The following ENOX1 variants were observed in gnomAD, a reference collection of about 807,000 sequenced individuals.
ENOX1 encodes candidate growth-related and time keeping constitutive hydroquinone (NADH) oxidase.
ENOX1 carries 42 observed loss-of-function variants against 82.5 expected under a neutral mutation model. The ratio of observed to expected loss-of-function variants is 0.51; its 90% CI spans 0.40 to 0.66. The LOEUF (loss-of-function observed/expected upper bound fraction) is 0.66, where lower values mean the gene tolerates loss of function less well. Ranked by LOEUF, ENOX1 falls within the 30% of genes least tolerant of loss-of-function variation. The probability of loss-of-function intolerance (pLI) is 0.00; values close to 1 mark genes in which losing one functional copy is unlikely to be tolerated. For missense variants in ENOX1, 608 were observed against 811.6 expected, an observed-to-expected ratio of 0.75 and a Z score of 3.05; for synonymous variants, 271 against 282.2, an observed-to-expected ratio of 0.96 and a Z score of 0.40.
At chr13:43,727,816 A>G (rs1054628684) in intron 1 of ENOX1, among the ~76,000 whole-genome samples, 1 of 152,190 alleles carries the variant, frequency 6.6e-6, no homozygotes, top group African/African-American at 2.4e-5. Flanking sequence ...TGCCATTAAC[A>G]TTATGCATTT....
intron 2 of ENOX1, among the ~76,000 whole-genome samples, chr13:43,572,669 C>A (rs973085505): frequency 5.9e-5 from 9 of 152,216 alleles, no homozygotes; most frequent in Admixed American, 2.0e-4. Context: ...CCTTTTCAGA[C>A]ACACAAGGTC....
chr13:43,357,601 C>G (rs2153557895), intron 7 of ENOX1, among the ~76,000 whole-genome samples: 1 of 152,292 alleles, frequency 6.6e-6, no homozygotes, highest in African/African-American at 2.4e-5. Context: ...ACACGCATAA[C>G]AGCTGAGCAG....
chr13:43,719,466 C>G (rs1001158134), intron 1 of ENOX1, among the ~76,000 whole-genome samples: 5 of 152,004 alleles, frequency 3.3e-5, no homozygotes, highest in African/African-American at 9.7e-5. Flanking sequence ...GGCATTCAGG[C>G]TCCCCCTGAA....
rs187471249 is a variant in ENOX1, at chr13:43,224,462, A to G, written c.1715-324T>C. 3.9e-5 allele frequency among the ~76,000 whole-genome samples: 6 copies of G among 152,362 alleles called. No homozygotes were observed. In the East Asian group the frequency reaches 9.6e-4, roughly 24 times the overall value. ...TTTATGCTTGATTTACCAATATAAA[A>G]TTATAGTTATTGGAAGGATAAAATT... On this transcript the variant is annotated intron_variant, in intron 15 of 16. Coordinates refer to ENST00000690772, the MANE Select transcript of ENOX1 (RefSeq NM_001347969.2).
intron 1 of ENOX1, among the ~76,000 whole-genome samples, chr13:43,730,807 G>A (rs1415312719): frequency 6.6e-6 from 1 of 152,188 alleles, no homozygotes; most frequent in Non-Finnish European, 1.5e-5. Context: ...TGACCTGTGT[G>A]TTTTTGCTCC....
intron 14 of ENOX1, among the ~76,000 whole-genome samples, chr13:43,260,223 A>T (rs1406828378): frequency 6.6e-6 from 1 of 152,264 alleles, no homozygotes; most frequent in Non-Finnish European, 1.5e-5. Context: ...ACTTAAAGAC[A>T]GCTCTGAGGA....
intron 1 of ENOX1, among the ~76,000 whole-genome samples, chr13:43,728,390 A>G (rs1201412693): frequency 6.6e-6 from 1 of 152,226 alleles, no homozygotes; most frequent in African/African-American, 2.4e-5. Context: ...ATTTCTTTCC[A>G]TATCATACCC....
intron 1 of ENOX1, among the ~76,000 whole-genome samples, chr13:43,679,589 AC>A (rs2085683782): frequency 6.6e-6 from 1 of 152,148 alleles, no homozygotes; most frequent in African/African-American, 2.4e-5. Flanking sequence ...TGTTTTTCTA[AC>A]CCATGGCTAG....
At chr13:43,229,030 T>C (rs779107149) in intron 15 of ENOX1, among the ~76,000 whole-genome samples, 2 of 152,172 alleles carry the variant, frequency 1.3e-5, no homozygotes, top group African/African-American at 2.4e-5. Flanking sequence ...CAGTGGGAGA[T>C]AACTGAATCA....
intron 2 of ENOX1, among the ~76,000 whole-genome samples, chr13:43,575,731 T>C (rs2080392657): frequency 6.6e-6 from 1 of 152,204 alleles, no homozygotes; most frequent in Non-Finnish European, 1.5e-5. Flanking sequence ...ATTTAGCAAA[T>C]TTCCAGCTGT....
intron 2 of ENOX1, among the ~76,000 whole-genome samples, chr13:43,655,722 T>C (rs1262504158): frequency 6.6e-6 from 1 of 151,982 alleles, no homozygotes; most frequent in East Asian, 1.9e-4. Context: ...GCCCCACCGC[T>C]CCCCACACTC....
intron 5 of ENOX1, among the ~76,000 whole-genome samples, chr13:43,402,000 A>G (rs1367008330): frequency 6.6e-6 from 1 of 152,186 alleles, no homozygotes; most frequent in Admixed American, 6.5e-5. Flanking sequence ...ACGTCTGGCA[A>G]CCAATAATAA....
chr13:43,476,803 T>C (rs972222690), intron 3 of ENOX1, among the ~76,000 whole-genome samples: 17 of 152,174 alleles, frequency 1.1e-4, no homozygotes, highest in African/African-American at 3.9e-4. Flanking sequence ...TGTAGCAGAA[T>C]GTACGGAACA....
chr13:43,267,980 T>C (rs3783047), intron 13 of ENOX1, among the ~76,000 whole-genome samples: 25,848 of 152,174 alleles, frequency 0.17, 2,847 homozygotes, highest in East Asian at 0.6. Context: ...GAGTGAAGTG[T>C]GATGTTTCAC....
At chr13:43,716,242 G>C (rs2088122269) in intron 1 of ENOX1, among the ~76,000 whole-genome samples, 3 of 152,094 alleles carry the variant, frequency 2.0e-5, no homozygotes, top group Admixed American at 2.0e-4. Flanking sequence ...TTTTTGGTGT[G>C]GATGTCCTTT....
At chr13:43,720,249 C>A (rs1227451157) in intron 1 of ENOX1, among the ~76,000 whole-genome samples, 1 of 152,188 alleles carries the variant, frequency 6.6e-6, no homozygotes, top group Admixed American at 6.5e-5. Flanking sequence ...TCTATAAACA[C>A]ACTACATTCT....
chr13:43,231,089 G>C (rs2042257910), intron 15 of ENOX1, among the ~76,000 whole-genome samples: 1 of 152,162 alleles, frequency 6.6e-6, no homozygotes, highest in Non-Finnish European at 1.5e-5. Flanking sequence ...CTGGGATAGA[G>C]GAGCACCTTG....
intron 14 of ENOX1, among the ~76,000 whole-genome samples, chr13:43,244,490 A>G (rs2042986052): frequency 6.6e-6 from 1 of 152,124 alleles, no homozygotes; most frequent in Non-Finnish European, 1.5e-5. Context: ...TATTTTCTCT[A>G]TTTTTCTGTC....
intron 2 of ENOX1, among the ~76,000 whole-genome samples, chr13:43,566,744 C>T (rs981386826): frequency 6.6e-6 from 1 of 151,532 alleles, no homozygotes; most frequent in South Asian, 2.1e-4. Context: ...TGTCTCCACG[C>T]TCAGAAGAGA....
Sources: allele counts gnomAD v4.1 joint callset (sites outside exome capture counted in the v4.1 genomes callset), GRCh38; gene constraint gnomAD v4.1.1; transcripts MANE v1.5; gene names NCBI Gene and HGNC (gene_info 2026-07-23, HGNC 2026-07-21).